The following TMEM178B variants were observed in gnomAD, a reference collection of about 807,000 sequenced individuals.
The protein encoded by TMEM178B is transmembrane protein 178B.
TMEM178B carries 5 observed loss-of-function variants against 31.0 expected under a neutral mutation model. That is an observed-to-expected ratio of 0.16 (90% CI 0.08 to 0.34). The LOEUF (loss-of-function observed/expected upper bound fraction) is 0.34. Among genes scored for constraint, TMEM178B ranks in the 10% least tolerant of loss-of-function variants. TMEM178B has a pLI of 1.00. For missense variants in TMEM178B, 275 were observed against 400.3 expected (o/e 0.69, Z 2.67); for synonymous variants, 164 against 164.0 (o/e 1.00, Z 0.00).
intron 2 of TMEM178B, among the ~76,000 whole-genome samples, chr7:141,301,049 C>T (rs1202950241): frequency 1.3e-5 from 2 of 152,192 alleles, no homozygotes; most frequent in Non-Finnish European, 2.9e-5. Flanking sequence ...TGCAGAGGAA[C>T]ACTTAACTCT....
rs371642762 is a variant in TMEM178B at position 141,149,874 on chromosome 7, G to A, written c.383-62717G>A. Among the ~76,000 whole-genome samples, 13 of 152,322 alleles carry A rather than the reference G, an allele frequency of 8.5e-5. No individual in the cohort carries two copies. In the South Asian group the frequency reaches 2.1e-3, roughly 24 times the overall value. ...TAGAACTATGTGACAATACATTTCT[G>A]TTGTTTTTAGCTGCCTGGTTTGTGG... On this transcript the variant is annotated intron_variant, in intron 1 of 3. Transcript: ENST00000565468.
rs5888001 is a variant in TMEM178B, at chr7:141,352,377, A to AT, written c.497-85213dup. 6.7e-3 allele frequency: 883 copies of AT among 132,260 alleles called. 16 individuals carry two copies. The highest frequency in any genetic ancestry group is 0.042 in the South Asian group (166 of 3,938). The allele number at this position is 132,260 out of a possible 1,614,324, so 8.2% of individuals were successfully genotyped here. A position where few individuals can be genotyped will look rare whatever the true frequency, so the allele number is the denominator to read the frequency against. On this transcript the variant is annotated intron_variant, in intron 2 of 3. Coordinates refer to ENST00000565468, the MANE Select transcript of TMEM178B (RefSeq NM_001195278.2). ...CGCTATCATGACCAGGGAGTCCACT[A>AT]TTTTTTTTTTTTTTTTTTGAGACCG...
chr7:141,332,731 G>A (rs1159524457), intron 2 of TMEM178B, among the ~76,000 whole-genome samples: 1 of 152,182 alleles, frequency 6.6e-6, no homozygotes, highest in Admixed American at 6.5e-5. Context: ...CTATTTCTCT[G>A]CACCAAAATA....
chr7:141,123,722 C>A (rs1198495956), intron 1 of TMEM178B, among the ~76,000 whole-genome samples: 1 of 152,142 alleles, frequency 6.6e-6, no homozygotes, highest in South Asian at 2.1e-4. Context: ...ATACTGCTTA[C>A]TTCTCCTTTC....
At chr7:141,089,412 G>T (rs143816250) in intron 1 of TMEM178B, among the ~76,000 whole-genome samples, 55 of 152,304 alleles carry the variant, frequency 3.6e-4, no homozygotes, top group African/African-American at 1.1e-3. Context: ...ACTGTTGATG[G>T]GACTGTAAAC....
chr7:141,425,829 C>T (rs778180540), intron 2 of TMEM178B, among the ~76,000 whole-genome samples: 2 of 152,120 alleles, frequency 1.3e-5, no homozygotes, highest in Non-Finnish European at 1.5e-5. Context: ...TTCTCTGATC[C>T]GGAGGTAGGA....
chr7:141,285,150 G>GTTTTTTTTTTTTTT (rs1179131184), intron 2 of TMEM178B, among the ~76,000 whole-genome samples: 2 of 78,960 alleles, frequency 2.5e-5, no homozygotes, highest in African/African-American at 4.7e-5. Context: ...CAGGATTCTT[G>GTTTTTTTTTTTTTT]TTTCTTTTTT....
intron 1 of TMEM178B, among the ~76,000 whole-genome samples, chr7:141,159,643 A>G (rs1586801596): frequency 6.6e-6 from 1 of 152,340 alleles, no homozygotes; most frequent in Non-Finnish European, 1.5e-5. Flanking sequence ...ATTCTGACGC[A>G]CGCTACAACA....
rs115326688 is a variant in TMEM178B at position 141,287,387 on chromosome 7, G to A, written c.496+74683G>A. ...TTTCTTTCTCATATATTCATAATTTGTAGTGACTTGGTGGATTTTTGGTGT... is the reference window on the plus strand; with the variant it reads ...TTTCTTTCTCATATATTCATAATTTATAGTGACTTGGTGGATTTTTGGTGT... On this transcript the variant is annotated intron_variant, in intron 2 of 3. Coordinates refer to ENST00000565468, the MANE Select transcript of TMEM178B (RefSeq NM_001195278.2). Among the ~76,000 whole-genome samples, 970 of 152,048 alleles carry A rather than the reference G, an allele frequency of 6.4e-3. 11 individuals carry two copies. Among genetic ancestry groups the A allele is most frequent in the African/African-American group, 0.022 (931 of 41,456 alleles).
At chr7:141,088,164 C>A (rs1387511305) in intron 1 of TMEM178B, among the ~76,000 whole-genome samples, 1 of 152,078 alleles carries the variant, frequency 6.6e-6, no homozygotes, top group East Asian at 1.9e-4. Flanking sequence ...TGTCTTCAAC[C>A]TCTTCTCTCT....
chr7:141,120,435 G>A (rs927053816), intron 1 of TMEM178B, among the ~76,000 whole-genome samples: 4 of 152,134 alleles, frequency 2.6e-5, no homozygotes, highest in Admixed American at 6.5e-5. Context: ...CAAGATAATC[G>A]TAGCTTTTAT....
At chr7:141,440,290 TG>T (rs1407722939) in intron 3 of TMEM178B, among the ~76,000 whole-genome samples, 1 of 152,202 alleles carries the variant, frequency 6.6e-6, no homozygotes, top group African/African-American at 2.4e-5. Flanking sequence ...TGCTTACCTT[TG>T]TCCAGGCAGT....
intron 2 of TMEM178B, among the ~76,000 whole-genome samples, chr7:141,287,462 CTAGCAGCGTAGTTGTCCCTCTTAAAATA>C (rs1432364653): frequency 6.6e-6 from 1 of 152,152 alleles, no homozygotes; most frequent in Non-Finnish European, 1.5e-5. Flanking sequence ...GTCATAAAAA[CTAGCAGCGTAGTTGTCCCTCTTAAAATA>C]TAGAAATGAG....
In TMEM178B at chr7:141,093,491, G is replaced by A. The variant is rs78250563; in HGVS notation, c.382+18799G>A. Among the ~76,000 whole-genome samples, 149 of 152,286 alleles carry A rather than the reference G, an allele frequency of 9.8e-4. 2 individuals are homozygous for A. The East Asian group carries it at 0.025, about 26-fold the overall frequency. On this transcript the variant is annotated intron_variant, in intron 1 of 3. Coordinates refer to ENST00000565468, the MANE Select transcript of TMEM178B (RefSeq NM_001195278.2). ...AAGAGTTAGCTGGATATATAGGACC[G>A]AGTTTGGGGGAGAAGTCTCACTGGG...
chr7:141,226,325 G>A (rs555360255), intron 2 of TMEM178B, among the ~76,000 whole-genome samples: 2 of 152,174 alleles, frequency 1.3e-5, no homozygotes, highest in African/African-American at 2.4e-5. Flanking sequence ...GCTCCAGGCC[G>A]ACTACCCTTC....
chr7:141,139,785 CAG>C (rs936128514), intron 1 of TMEM178B, among the ~76,000 whole-genome samples: 3 of 149,530 alleles, frequency 2.0e-5, no homozygotes, highest in East Asian at 1.9e-4. Flanking sequence ...TTTTTTGAGA[CAG>C]AGTCTCTCAC....
intron 3 of TMEM178B, among the ~76,000 whole-genome samples, chr7:141,444,973 G>C (rs1425076503): frequency 6.6e-6 from 1 of 152,094 alleles, no homozygotes. Context: ...AAGCACAAAG[G>C]GGCATATGGA....
At chr7:141,282,346 T>C (rs917439899) in intron 2 of TMEM178B, among the ~76,000 whole-genome samples, 1 of 152,138 alleles carries the variant, frequency 6.6e-6, no homozygotes, top group Non-Finnish European at 1.5e-5. Context: ...CACTGGTGGA[T>C]TGGAGAAACA....
intron 2 of TMEM178B, among the ~76,000 whole-genome samples, chr7:141,429,147 C>A (rs778829484): frequency 6.6e-6 from 1 of 152,086 alleles, no homozygotes; most frequent in Non-Finnish European, 1.5e-5. Context: ...GCCATACAAT[C>A]CAGCAATTCC....
Sources: gnomAD v4.1 joint callset for allele counts (sites outside exome capture counted in the v4.1 genomes callset) on GRCh38, gnomAD v4.1.1 for gene constraint, MANE v1.5 for transcripts, NCBI Gene and HGNC (gene_info 2026-07-23, HGNC 2026-07-21) for gene names.